The following KCNH7 variants were observed in gnomAD, a reference collection of about 807,000 sequenced individuals.
The protein encoded by KCNH7 is voltage-gated inwardly rectifying potassium channel KCNH7.
Under a neutral mutation model 120.8 loss-of-function variants are expected in KCNH7, and 49 were observed. That is an observed-to-expected ratio of 0.41 (90% CI 0.32 to 0.51). The LOEUF is 0.51. KCNH7 is among the 20% of genes least tolerant of loss of function. The pLI is 0.38. For synonymous variants in KCNH7, 547 were observed against 516.1 expected (o/e 1.06, Z -0.81); for missense variants, 1,097 against 1,446.6 (o/e 0.76, Z 3.92).
At chr2:162,414,499 A>ATTAGTTGTATTAGCCAAGTT (rs1687483362) in intron 9 of KCNH7, among the ~76,000 whole-genome samples, 1 of 151,694 alleles carries the variant, frequency 6.6e-6, no homozygotes, top group South Asian at 2.1e-4. Context: ...TGCCATTAAA[A>ATTAGTTGTATTAGCCAAGTT]GGAATGAATT....
At chr2:162,377,420 T>C (rs1346938445) in intron 14 of KCNH7, among the ~76,000 whole-genome samples, 1 of 152,184 alleles carries the variant, frequency 6.6e-6, no homozygotes, top group Admixed American at 6.5e-5. Flanking sequence ...GGAATATTCA[T>C]GCCATAGTAA....
chr2:162,728,609 T>A (rs1304122351), intron 2 of KCNH7, among the ~76,000 whole-genome samples: 1 of 152,116 alleles, frequency 6.6e-6, no homozygotes, highest in Non-Finnish European at 1.5e-5. Flanking sequence ...AGAAACCCTG[T>A]CTCTACTAAA....
intron 2 of KCNH7, among the ~76,000 whole-genome samples, chr2:162,673,229 A>G (rs138378799): frequency 3.5e-3 from 538 of 152,220 alleles, no homozygotes; most frequent in Admixed American, 6.4e-3. Flanking sequence ...GCAGTAGTAG[A>G]AAGAAAAAAT....
intron 2 of KCNH7, among the ~76,000 whole-genome samples, chr2:162,690,911 A>G (rs944981362): frequency 2.0e-5 from 3 of 152,314 alleles, no homozygotes; most frequent in African/African-American, 7.2e-5. Context: ...AGATCCCTGC[A>G]TTCTTATTAG....
intron 2 of KCNH7, among the ~76,000 whole-genome samples, chr2:162,642,589 G>A (rs1304368619): frequency 6.6e-6 from 1 of 152,222 alleles, no homozygotes; most frequent in Non-Finnish European, 1.5e-5. Flanking sequence ...GTTGTCAATA[G>A]TTGAATGATT....
At chr2:162,690,020 C>A (rs974345090) in intron 2 of KCNH7, among the ~76,000 whole-genome samples, 1 of 152,066 alleles carries the variant, frequency 6.6e-6, no homozygotes, top group African/African-American at 2.4e-5. Flanking sequence ...AAATGTGGTA[C>A]ATATACACCA....
chr2:162,548,111 T>C (rs1165825245), intron 2 of KCNH7, among the ~76,000 whole-genome samples: 1 of 152,262 alleles, frequency 6.6e-6, no homozygotes, highest in Non-Finnish European at 1.5e-5. Flanking sequence ...TTTATGCCTA[T>C]ACTATTTTTA....
At chr2:162,794,952 A>G (rs979090871) in intron 2 of KCNH7, among the ~76,000 whole-genome samples, 2 of 152,068 alleles carry the variant, frequency 1.3e-5, no homozygotes, top group Non-Finnish European at 2.9e-5. Context: ...AATACATATC[A>G]GAGCTAATGA....
chr2:162,401,118 C>T (rs1310854979), intron 9 of KCNH7, among the ~76,000 whole-genome samples: 2 of 151,904 alleles, frequency 1.3e-5, no homozygotes, highest in Admixed American at 1.3e-4. Context: ...GCAGTGCATA[C>T]ATAAGCTTCT....
chr2:162,747,502 G>A (rs1337656675), intron 2 of KCNH7, among the ~76,000 whole-genome samples: 1 of 152,170 alleles, frequency 6.6e-6, no homozygotes, highest in African/African-American at 2.4e-5. Context: ...TTTAAAAAGT[G>A]TTGTTTGTAC....
chr2:162,492,221 C>T (rs781055060), intron 6 of KCNH7, among the ~76,000 whole-genome samples: 5 of 152,176 alleles, frequency 3.3e-5, no homozygotes, highest in Non-Finnish European at 5.9e-5. Context: ...CAATCTGGTG[C>T]ACTTTGTGTG....
Position 162,517,710 on chromosome 2 carries a change from T to A in KCNH7, c.892+20A>T, listed in dbSNP as rs1553486661. The A allele has an allele frequency of 9.9e-6, 15 of 1,511,070 alleles. No homozygotes were observed. The highest frequency in any genetic ancestry group is 1.3e-5 in the South Asian group (1 of 78,208). 93.6% of individuals were successfully genotyped at this position (1,511,070 alleles called of 1,614,324 possible). On this transcript the variant is annotated intron_variant, in intron 4 of 15. Coordinates refer to ENST00000332142, the MANE Select transcript of KCNH7 (RefSeq NM_033272.4). ...TTACCCATTAATATATGTTTCCATTTAAAAAAAAATCAAACATACCTTCGC... is the reference window on the plus strand; with the variant it reads ...TTACCCATTAATATATGTTTCCATTAAAAAAAAAATCAAACATACCTTCGC...
rs547117844 is a variant in KCNH7, at chr2:162,510,585, C to T, written c.913+2069G>A. On this transcript the variant is annotated intron_variant, in intron 5 of 15. Transcript: ENST00000332142. ...TGAAGACATTACCAACACATTCCTA[C>T]GTTATTTATTTAATTCAGAATTAAA... Among the ~76,000 whole-genome samples the T allele has an allele frequency of 1.1e-3, 170 of 151,612 alleles. 1 individual carries two copies. Among genetic ancestry groups the T allele is most frequent in the Middle Eastern group, 6.8e-3 (2 of 294 alleles).
intron 2 of KCNH7, among the ~76,000 whole-genome samples, chr2:162,681,459 T>C (rs1685707441): frequency 6.6e-6 from 1 of 151,776 alleles, no homozygotes; most frequent in Non-Finnish European, 1.5e-5. Context: ...GAAAGCCATA[T>C]GCTTATGAAC....
chr2:162,623,776 G>A (rs185785288), intron 2 of KCNH7, among the ~76,000 whole-genome samples: 19 of 152,222 alleles, frequency 1.2e-4, no homozygotes, highest in African/African-American at 1.9e-4. Context: ...CAGTGAATGC[G>A]CCTGGTACAC....
At chr2:162,796,724 ATCACAAC>A (rs1444736325) in intron 2 of KCNH7, 1 of 152,076 alleles carries the variant, frequency 6.6e-6, no homozygotes, top group African/African-American at 2.4e-5. Flanking sequence ...TGAACAAGTA[ATCACAAC>A]TCCTGTGCAC....
chr2:162,802,395 G>A (rs1684383620), intron 2 of KCNH7, among the ~76,000 whole-genome samples: 1 of 151,658 alleles, frequency 6.6e-6, no homozygotes, highest in Admixed American at 6.6e-5. Context: ...ATCTTTAAGA[G>A]CAGACGACTT....
intron 6 of KCNH7, among the ~76,000 whole-genome samples, chr2:162,457,774 T>C (rs980231451): frequency 7.9e-5 from 12 of 152,134 alleles, no homozygotes; most frequent in African/African-American, 2.7e-4. Context: ...GCTAGCTGTA[T>C]TTTTATCTAT....
chr2:162,663,977 A>G (rs1295825411), intron 2 of KCNH7, among the ~76,000 whole-genome samples: 1 of 151,942 alleles, frequency 6.6e-6, no homozygotes, highest in Non-Finnish European at 1.5e-5. Flanking sequence ...GACCTCCTCT[A>G]CTCATTTCTA....
Sources: gnomAD v4.1 joint callset for allele counts (sites outside exome capture counted in the v4.1 genomes callset) on GRCh38, gnomAD v4.1.1 for gene constraint, MANE v1.5 for transcripts, NCBI Gene and HGNC (gene_info 2026-07-23, HGNC 2026-07-21) for gene names.